ACVR1C: variants seen among roughly 807,000 people sequenced by gnomAD.
ACVR1C encodes activin receptor type-1C.
In ACVR1C, 23 loss-of-function variants were observed where a neutral mutation model predicts 57.9. That is an observed-to-expected ratio of 0.40 (90% CI 0.29 to 0.56). ACVR1C has a LOEUF of 0.56. ACVR1C is among the 20% of genes least tolerant of loss of function. ACVR1C has a pLI of 0.50. For missense variants in ACVR1C, 480 were observed against 607.9 expected, an observed-to-expected ratio of 0.79 and a Z score of 2.21; for synonymous variants, 214 against 215.3, an observed-to-expected ratio of 0.99 and a Z score of 0.05.
intron 1 of ACVR1C, among the ~76,000 whole-genome samples, chr2:157,595,015 C>G (rs946600728): frequency 3.3e-5 from 5 of 152,188 alleles, no homozygotes; most frequent in Non-Finnish European, 7.3e-5. Flanking sequence ...TGCTTATCAG[C>G]GTGGTGATTA....
Position 157,616,115 on chromosome 2 carries a change from C to G in ACVR1C, c.73+12457G>C, listed in dbSNP as rs192753413. ...TCAACTATTTCTTTTGTCCCATTCT[C>G]CCTCTGTTTTCTTCTAGCATTCCAT... On this transcript the variant is annotated intron_variant, in intron 1 of 8. Transcript: ENST00000243349. Among the ~76,000 whole-genome samples, 16 of 152,220 alleles carry G rather than the reference C, an allele frequency of 1.1e-4. No individual in the cohort carries two copies. In the East Asian group the frequency reaches 3.1e-3, roughly 29 times the overall value.
At chr2:157,627,930 C>G (rs1573964392) in intron 1 of ACVR1C, among the ~76,000 whole-genome samples, 1 of 152,176 alleles carries the variant, frequency 6.6e-6, no homozygotes, top group African/African-American at 2.4e-5. Context: ...AGGCACAGAC[C>G]TGTTATAAAC....
At chr2:157,543,839 A>G (rs1462937956) in intron 5 of ACVR1C, among the ~76,000 whole-genome samples, 2 of 152,162 alleles carry the variant, frequency 1.3e-5, no homozygotes, top group African/African-American at 4.8e-5. Context: ...AATTATTTGT[A>G]TTCTCTGGAT....
intron 1 of ACVR1C, among the ~76,000 whole-genome samples, chr2:157,607,522 T>C (rs1227463439): frequency 2.6e-5 from 4 of 151,822 alleles, no homozygotes; most frequent in Non-Finnish European, 1.5e-5. Context: ...AGTATTTTGA[T>C]AGAAATTGCA....
rs535251380 is a variant in ACVR1C, at chr2:157,592,434, G to A, written c.74-5017C>T. On this transcript the variant is annotated intron_variant, in intron 1 of 8. Transcript: ENST00000243349. ...ATAGGTGATATAGTTAAGACAGAAA[G>A]TGACACCTTACTTTAAATCTTGCAC... 9.9e-5 allele frequency among the ~76,000 whole-genome samples: 15 copies of A among 152,208 alleles called. No individual in the cohort carries two copies. The East Asian group carries it at 2.9e-3, about 29-fold the overall frequency.
At chr2:157,615,443 T>C (rs1682624360) in intron 1 of ACVR1C, among the ~76,000 whole-genome samples, 1 of 152,042 alleles carries the variant, frequency 6.6e-6, no homozygotes, top group Admixed American at 6.6e-5. Flanking sequence ...GACATGATCA[T>C]AGCTCACTGC....
Position 157,621,015 on chromosome 2 carries a change from T to C in ACVR1C, c.73+7557A>G, listed in dbSNP as rs1487867452. ...CAAAATGGGAGCATCCTAATGATTT[T>C]CTTGAAGTGAAAAGTTTAATGAAAA... On this transcript the variant is annotated intron_variant, in intron 1 of 8. Transcript: ENST00000243349. Among the ~76,000 whole-genome samples, 3 of 152,312 alleles carry C rather than the reference T, an allele frequency of 2.0e-5. No homozygotes were observed. In the East Asian group the frequency reaches 5.8e-4, roughly 29 times the overall value.
intron 2 of ACVR1C, among the ~76,000 whole-genome samples, chr2:157,575,512 C>T (rs1190936111): frequency 2.0e-5 from 3 of 152,128 alleles, no homozygotes; most frequent in Admixed American, 6.5e-5. Context: ...AAACAGATCC[C>T]CCTGCCTGGG....
intron 2 of ACVR1C, among the ~76,000 whole-genome samples, chr2:157,586,210 C>A (rs1688918594): frequency 6.6e-6 from 1 of 151,944 alleles, no homozygotes; most frequent in East Asian, 1.9e-4. Context: ...CTATTTAGGG[C>A]AAGTACACTG....
At chr2:157,548,556 G>C (rs2105214822) in intron 4 of ACVR1C, among the ~76,000 whole-genome samples, 1 of 151,372 alleles carries the variant, frequency 6.6e-6, no homozygotes, top group East Asian at 1.9e-4. Context: ...AACCAAAACA[G>C]CATGGTACTG....
chr2:157,615,550 AT>A (rs1682627383), intron 1 of ACVR1C, among the ~76,000 whole-genome samples: 1 of 151,800 alleles, frequency 6.6e-6, no homozygotes, highest in Non-Finnish European at 1.5e-5. Context: ...AATTTTTTTC[AT>A]TTTTTGTAAA....
chr2:157,542,579 A>G, intron 6 of ACVR1C, 127 bp downstream of exon 6: 1 of 1,115,518 alleles, frequency 9.0e-7, no homozygotes, highest in Non-Finnish European at 1.3e-6. Context: ...GACCCAGAGA[A>G]GACTTCTGGA....
intron 8 of ACVR1C, among the ~76,000 whole-genome samples, chr2:157,536,671 G>T (rs540954233): frequency 6.6e-6 from 1 of 152,172 alleles, no homozygotes; most frequent in South Asian, 2.1e-4. Flanking sequence ...ACTTTTAAAG[G>T]ATTCACATCA....
At chr2:157,605,265 T>C (rs1417503161) in intron 1 of ACVR1C, among the ~76,000 whole-genome samples, 2 of 151,766 alleles carry the variant, frequency 1.3e-5, no homozygotes, top group African/African-American at 4.8e-5. Flanking sequence ...CTTTTGTCAA[T>C]ACCACACTGT....
At position 157,567,225 on chromosome 2, in the gene ACVR1C, T is replaced by C. The variant is rs1558981195; in HGVS notation, c.305-10893A>G. On this transcript the variant is annotated intron_variant, in intron 2 of 8. Transcript: ENST00000243349. ...CCGAAAACCCATCTGTACATCACCA[T>C]CATCAAAGACCAAAAGTAGATAAAA... 2.1e-5 allele frequency among the ~76,000 whole-genome samples: 2 copies of C among 94,912 alleles called. 1 individual carries two copies. Among genetic ancestry groups the C allele is most frequent in the Non-Finnish European group, 4.3e-5 (2 of 46,118 alleles). 62.3% of individuals were successfully genotyped at this position (94,912 alleles called of 152,430 possible). A position where few individuals can be genotyped will look rare whatever the true frequency, so the allele number is the denominator to read the frequency against.
intron 1 of ACVR1C, among the ~76,000 whole-genome samples, chr2:157,597,788 G>A (rs1682172288): frequency 6.6e-6 from 1 of 152,170 alleles, no homozygotes; most frequent in South Asian, 2.1e-4. Flanking sequence ...GCAAATCAAT[G>A]CAGTGATGAT....
At chr2:157,597,236 C>G (rs1401031924) in intron 1 of ACVR1C, 1 of 618,554 alleles carries the variant, frequency 1.6e-6, no homozygotes, top group Non-Finnish European at 2.0e-6. Flanking sequence ...AACCTGCCCC[C>G]ACTTTGTCAA....
intron 1 of ACVR1C, among the ~76,000 whole-genome samples, chr2:157,624,901 T>G (rs1260636142): frequency 2.0e-5 from 3 of 152,246 alleles, no homozygotes; most frequent in Non-Finnish European, 4.4e-5. Flanking sequence ...ATTTTTAATA[T>G]ACTTGTGTTC....
intron 3 of ACVR1C, among the ~76,000 whole-genome samples, chr2:157,550,764 A>T (rs1363004170): frequency 6.7e-6 from 1 of 150,166 alleles, no homozygotes. Flanking sequence ...GTTAGCCTCT[A>T]AAATAAAATG....
Sources: gnomAD v4.1 joint callset for allele counts (sites outside exome capture counted in the v4.1 genomes callset) on GRCh38, gnomAD v4.1.1 for gene constraint, MANE v1.5 for transcripts, NCBI Gene and HGNC (gene_info 2026-07-23, HGNC 2026-07-21) for gene names.